ADD1: variants seen among roughly 807,000 people sequenced by gnomAD.
The protein encoded by ADD1 is adducin 1, also known as alpha-adducin.
A neutral mutation model predicts 80.5 loss-of-function variants in ADD1; 24 were observed. The ratio of observed to expected loss-of-function variants is 0.30; its 90% CI spans 0.22 to 0.42. The LOEUF (loss-of-function observed/expected upper bound fraction) is 0.42, where lower values mean the gene tolerates loss of function less well. ADD1 is among the 10% of genes least tolerant of loss of function. The pLI is 1.00. For missense variants in ADD1, 948 were observed against 1,019.0 expected (o/e 0.93, Z 0.95); for synonymous variants, 373 against 393.8 (o/e 0.95, Z 0.63).
chr4:2,927,830 T>A (rs1712108319), intron 15 of ADD1, among the ~76,000 whole-genome samples: 1 of 152,116 alleles, frequency 6.6e-6, no homozygotes, highest in South Asian at 2.1e-4. Flanking sequence ...AGACTTCTCG[T>A]CACATAATGA....
At chr4:2,890,255 C>G (rs1459097672) in intron 4 of ADD1, among the ~76,000 whole-genome samples, 1 of 151,326 alleles carries the variant, frequency 6.6e-6, no homozygotes, top group African/African-American at 2.4e-5. Context: ...AAAGACAAAC[C>G]AGTATAAAAT....
At chr4:2,882,096 G>T in intron 3 of ADD1, 36 bp downstream of exon 3, 1 of 1,539,768 alleles carries the variant, frequency 6.5e-7, no homozygotes, top group South Asian at 1.3e-5. Flanking sequence ...ATGTTCTGTA[G>T]TTTTCAGGTA....
chr4:2,922,829 C>G (rs1215662063), intron 14 of ADD1, among the ~76,000 whole-genome samples: 1 of 152,226 alleles, frequency 6.6e-6, no homozygotes, highest in African/African-American at 2.4e-5. Context: ...TTCAGAGATG[C>G]CCCGCCCAGG....
At chr4:2,866,957 A>G (rs904435640) in intron 1 of ADD1, among the ~76,000 whole-genome samples, 3 of 152,130 alleles carry the variant, frequency 2.0e-5, no homozygotes, top group African/African-American at 4.8e-5. Context: ...TGTAGTCCCA[A>G]GCTACTTGGG....
rs1712427431 is a variant in ADD1, at chr4:2,928,700, GCCCCA to G, written c.*186_*190del. The G allele has an allele frequency of 1.6e-6, 1 of 616,182 alleles. No homozygotes were observed. The highest frequency in any genetic ancestry group is 2.7e-6 in the Non-Finnish European group (1 of 363,744). 38.2% of individuals were successfully genotyped at this position (616,182 alleles called of 1,614,324 possible). ...GGGCTGACCCAGTGTGTGCTCAGCA[GCCCCA>G]CCCCACCCTGCCCCTTGTCCTCTCA... On this transcript the variant is annotated 3_prime_UTR_variant, in exon 16 of 16. Transcript: ENST00000683351.
intron 14 of ADD1, among the ~76,000 whole-genome samples, chr4:2,915,560 G>T (rs1738857485): frequency 6.6e-6 from 1 of 152,210 alleles, no homozygotes; most frequent in Admixed American, 6.5e-5. Context: ...AGAATGGCGT[G>T]AACGTGGAAG....
chr4:2,890,068 G>C (rs376606131), intron 4 of ADD1, among the ~76,000 whole-genome samples: 149 of 150,998 alleles, frequency 9.9e-4, no homozygotes, highest in Admixed American at 3.0e-3. Context: ...GTGGTGGCGC[G>C]CACCTGTAAT....
intron 1 of ADD1, among the ~76,000 whole-genome samples, chr4:2,852,221 C>CCTTTCTTTCCTTTCTTTCT (rs1727314192): frequency 7.7e-6 from 1 of 130,398 alleles, no homozygotes; most frequent in Non-Finnish European, 1.7e-5. Context: ...TCCTTTCTTT[C>CCTTTCTTTCCTTTCTTTCT]CTTTCTTTCC....
intron 1 of ADD1, among the ~76,000 whole-genome samples, chr4:2,873,397 T>C (rs1187956654): frequency 1.3e-5 from 2 of 152,266 alleles, no homozygotes; most frequent in African/African-American, 4.8e-5. Flanking sequence ...AGTAGAATTA[T>C]GCTTAATCTT....
intron 14 of ADD1, among the ~76,000 whole-genome samples, chr4:2,922,443 G>A (rs1176512464): frequency 6.6e-6 from 1 of 152,190 alleles, no homozygotes; most frequent in Non-Finnish European, 1.5e-5. Context: ...TCCAGGCCCT[G>A]TTTGCCTGGG....
intron 8 of ADD1, 69 bp from the exon 9 acceptor site, chr4:2,899,190 T>G (rs1735758615): frequency 1.4e-6 from 2 of 1,478,770 alleles, no homozygotes; most frequent in Admixed American, 2.2e-5. Context: ...CCTACATTTT[T>G]ATTCAAGTCA....
At chr4:2,924,183 A>C (rs776039577) in intron 14 of ADD1, among the ~76,000 whole-genome samples, 1 of 152,256 alleles carries the variant, frequency 6.6e-6, no homozygotes, top group Non-Finnish European at 1.5e-5. Flanking sequence ...GGGCAGTCTT[A>C]AAATGAATAC....
At chr4:2,885,032 AG>A (rs1324676414) in intron 4 of ADD1, among the ~76,000 whole-genome samples, 2 of 152,138 alleles carry the variant, frequency 1.3e-5, no homozygotes, top group Non-Finnish European at 2.9e-5. Flanking sequence ...CAGCTACTCT[AG>A]TTTTAACTAT....
At chr4:2,906,062 T>C (rs899274971) in intron 10 of ADD1, among the ~76,000 whole-genome samples, 3 of 152,220 alleles carry the variant, frequency 2.0e-5, no homozygotes, top group African/African-American at 7.2e-5. Flanking sequence ...CCTAAAACCA[T>C]GGGCAACCAA....
intron 1 of ADD1, among the ~76,000 whole-genome samples, chr4:2,864,050 A>G (rs922681699): frequency 2.0e-5 from 3 of 152,350 alleles, no homozygotes; most frequent in South Asian, 4.1e-4. Context: ...GGTAAGACAC[A>G]ATCTCCGAGG....
chr4:2,914,472 TG>T (rs1185894447), intron 13 of ADD1, among the ~76,000 whole-genome samples: 1 of 152,250 alleles, frequency 6.6e-6, no homozygotes, highest in African/African-American at 2.4e-5. Context: ...TGCCTTACGC[TG>T]AGTGCTGTAC....
intron 14 of ADD1, among the ~76,000 whole-genome samples, chr4:2,921,391 G>A (rs865946383): frequency 6.6e-6 from 1 of 152,194 alleles, no homozygotes; most frequent in African/African-American, 2.4e-5. Flanking sequence ...GCCTCCCAAA[G>A]TGCTGGGATT....
chr4:2,868,058 A>G (rs190976667), intron 1 of ADD1: 1 of 152,332 alleles, frequency 6.6e-6, no homozygotes, highest in Non-Finnish European at 1.5e-5. Context: ...AAGGCTTTTA[A>G]CTGAGCTCTG....
intron 2 of ADD1, among the ~76,000 whole-genome samples, chr4:2,876,731 C>T (rs1215675026): frequency 2.0e-5 from 3 of 151,722 alleles, no homozygotes; most frequent in African/African-American, 4.8e-5. Context: ...CCCAGCAACT[C>T]GGGAGGCTGA....
Sources: allele counts gnomAD v4.1 joint callset (sites outside exome capture counted in the v4.1 genomes callset), GRCh38; gene constraint gnomAD v4.1.1; transcripts MANE v1.5; gene names NCBI Gene and HGNC (gene_info 2026-07-23, HGNC 2026-07-21).